ESRRB: variants seen among roughly 807,000 people sequenced by gnomAD.
ESRRB encodes the protein steroid hormone receptor ERR2.
In ESRRB, 16 loss-of-function variants were observed where a neutral mutation model predicts 46.0. That is an observed-to-expected ratio of 0.35 (90% confidence interval 0.24 to 0.53). The LOEUF is 0.53. ESRRB is among the 20% of genes least tolerant of loss of function. ESRRB has a pLI of 0.93. For missense variants in ESRRB, 488 were observed against 607.4 expected (o/e 0.80, Z 2.07); for synonymous variants, 246 against 259.6 (o/e 0.95, Z 0.50).
chr14:76,487,775 T>A (rs1890075695), intron 5 of ESRRB, among the ~76,000 whole-genome samples: 1 of 152,056 alleles, frequency 6.6e-6, no homozygotes, highest in Admixed American at 6.5e-5. Context: ...GGCTAATTTT[T>A]AAATTATTTG....
chr14:76,476,670 C>A (rs1414820544), intron 3 of ESRRB, among the ~76,000 whole-genome samples: 2 of 151,874 alleles, frequency 1.3e-5, no homozygotes, highest in East Asian at 1.9e-4. Flanking sequence ...TTGGTTTTTC[C>A]ACCTTACAAG....
chr14:76,326,814 A>C (rs12435478), intron 1 of ESRRB, among the ~76,000 whole-genome samples: 119,738 of 152,214 alleles, frequency 0.79, 47,367 homozygotes, highest in Middle Eastern at 0.88. Context: ...CTGCACAGAG[A>C]AGGGGAAAAA....
intron 1 of ESRRB, among the ~76,000 whole-genome samples, chr14:76,428,533 G>A (rs1382097481): frequency 6.6e-6 from 1 of 152,124 alleles, no homozygotes; most frequent in African/African-American, 2.4e-5. Context: ...TAAAGTGAGA[G>A]CTACCAGGTA....
intron 1 of ESRRB, among the ~76,000 whole-genome samples, chr14:76,377,540 T>C (rs1884826420): frequency 6.6e-6 from 1 of 152,176 alleles, no homozygotes; most frequent in Admixed American, 6.5e-5. Context: ...AACTCTAGGT[T>C]CTTACGGACA....
intron 3 of ESRRB, among the ~76,000 whole-genome samples, chr14:76,476,520 T>G (rs1174015397): frequency 6.6e-6 from 1 of 152,254 alleles, no homozygotes; most frequent in Non-Finnish European, 1.5e-5. Context: ...GTCTTCTTGT[T>G]TATTTCCAGT....
Position 76,491,680 on chromosome 14 carries a change from T to G in ESRRB, c.1084T>G (p.Phe362Val). The G allele has an allele frequency of 6.3e-7, 1 of 1,585,778 alleles. No individual in the cohort carries two copies. The highest frequency in any genetic ancestry group is 8.6e-7 in the Non-Finnish European group (1 of 1,168,062). The change falls in exon 6 of 7, where the codon TTT becomes GTT. Residue 362 changes from phenylalanine (F) to valine (V), a missense_variant. By Grantham distance (50) the Phe-to-Val change is conservative. Coordinates refer to ENST00000644823, the MANE Select transcript of ESRRB (RefSeq NM_001379180.1). ...YKKLKVEKEE[F>V]VTLKALALAN... ...GAAGCTCAAGGTGGAGAAGGAGGAG[T>G]TTGTGACGCTCAAGGCCCTGGCCCT...
intron 1 of ESRRB, among the ~76,000 whole-genome samples, chr14:76,357,598 T>C: frequency 6.6e-6 from 1 of 152,194 alleles, no homozygotes; most frequent in East Asian, 1.9e-4. Context: ...ACTGTAGCCT[T>C]GATCTCCTGG....
At chr14:76,435,985 C>G (rs552786715) in intron 1 of ESRRB, among the ~76,000 whole-genome samples, 33 of 152,326 alleles carry the variant, frequency 2.2e-4, no homozygotes, top group African/African-American at 7.9e-4. Flanking sequence ...CGCACCAACC[C>G]TGATAGAGTT....
At chr14:76,400,312 A>C (rs1325037304) in intron 1 of ESRRB, among the ~76,000 whole-genome samples, 1 of 152,202 alleles carries the variant, frequency 6.6e-6, no homozygotes, top group Admixed American at 6.5e-5. Context: ...TAGCAAGCTG[A>C]GAACATAATC....
intron 1 of ESRRB, among the ~76,000 whole-genome samples, chr14:76,351,088 C>A (rs1445562880): frequency 6.6e-6 from 1 of 152,176 alleles, no homozygotes; most frequent in Non-Finnish European, 1.5e-5. Context: ...TGCACCTGTG[C>A]ATCACCTCAG....
chr14:76,442,918 G>A (rs1204775506), intron 2 of ESRRB, among the ~76,000 whole-genome samples: 1 of 149,704 alleles, frequency 6.7e-6, no homozygotes, highest in East Asian at 2.0e-4. Context: ...GGGTTCAAGT[G>A]ATTCTCCTGC....
At chr14:76,447,978 C>T (rs2139954577) in intron 2 of ESRRB, among the ~76,000 whole-genome samples, 1 of 152,316 alleles carries the variant, frequency 6.6e-6, no homozygotes, top group African/African-American at 2.4e-5. Flanking sequence ...TCTGGGATTG[C>T]CCCACGTCTC....
intron 1 of ESRRB, among the ~76,000 whole-genome samples, chr14:76,409,288 C>T (rs1164870100): frequency 1.3e-5 from 2 of 152,008 alleles, no homozygotes; most frequent in Non-Finnish European, 1.5e-5. Flanking sequence ...TTTGGGCCTC[C>T]AGCGGGTGAA....
chr14:76,498,140 G>A, intron 6 of ESRRB, 74 bp from the exon 7 acceptor site: 3 of 1,591,958 alleles, frequency 1.9e-6, no homozygotes, highest in African/African-American at 1.3e-5. Context: ...GCTGCCTCCT[G>A]GACCCCAAGA....
intron 1 of ESRRB, among the ~76,000 whole-genome samples, chr14:76,403,525 G>T (rs1886030734): frequency 6.6e-6 from 1 of 152,198 alleles, no homozygotes; most frequent in Non-Finnish European, 1.5e-5. Context: ...TTGCATGAGG[G>T]TAAGATGTGG....
chr14:76,472,138 G>C (rs1889396753), intron 3 of ESRRB, among the ~76,000 whole-genome samples: 1 of 152,206 alleles, frequency 6.6e-6, no homozygotes, highest in Admixed American at 6.5e-5. Flanking sequence ...GCCTTGGCCA[G>C]TAGTGAAGCC....
At chr14:76,404,995 C>T (rs1435198388) in intron 1 of ESRRB, among the ~76,000 whole-genome samples, 1 of 152,172 alleles carries the variant, frequency 6.6e-6, no homozygotes, top group East Asian at 1.9e-4. Flanking sequence ...AAGCAATTTC[C>T]TGAGTTTTTG....
At chr14:76,329,132 C>T (rs1178333920) in intron 1 of ESRRB, among the ~76,000 whole-genome samples, 1 of 152,090 alleles carries the variant, frequency 6.6e-6, no homozygotes, top group African/African-American at 2.4e-5. Flanking sequence ...GTTTGGCCAC[C>T]ACACACCAGT....
At chr14:76,479,437 G>A (rs981950917) in intron 3 of ESRRB, among the ~76,000 whole-genome samples, 4 of 152,144 alleles carry the variant, frequency 2.6e-5, no homozygotes, top group Non-Finnish European at 4.4e-5. Flanking sequence ...GAAACTGCTC[G>A]CATGCACAGC....
Sources: allele counts gnomAD v4.1 joint callset (sites outside exome capture counted in the v4.1 genomes callset), GRCh38; gene constraint gnomAD v4.1.1; transcripts MANE v1.5; gene names NCBI Gene and HGNC (gene_info 2026-07-23, HGNC 2026-07-21).